Variants in SOD2 observed in about 807,000 individuals in gnomAD.
SOD2 encodes the protein superoxide dismutase 2.
Under a neutral mutation model 27.0 loss-of-function variants are expected in SOD2, and 11 were observed. That is an observed-to-expected ratio of 0.41 (90% CI 0.26 to 0.67). The LOEUF is 0.67. Ranked by LOEUF, SOD2 falls within the 30% of genes least tolerant of loss-of-function variation. The pLI, the probability that SOD2 is intolerant of heterozygous loss-of-function variation, is 0.34. For missense variants in SOD2, 250 were observed against 274.5 expected (o/e 0.91, Z 0.63); for synonymous variants, 105 against 103.0 (o/e 1.02, Z -0.12).
chr6:159,692,921 TG>T, intron 1 of SOD2, 58 bp from the exon 2 acceptor site: 1 of 1,450,584 alleles, frequency 6.9e-7, no homozygotes. Context: ...CTACGCAGGC[TG>T]GGCTGCCGAG....
At chr6:159,743,857 A>C in intron 1 of SOD2, 9 of 1,466,548 alleles carry the variant, frequency 6.1e-6, no homozygotes, top group Non-Finnish European at 8.2e-6. Flanking sequence ...ACATTATTAC[A>C]TGTTAATTTT....
chr6:159,690,429 G>GT (rs914988197), intron 2 of SOD2, among the ~76,000 whole-genome samples: 3 of 151,598 alleles, frequency 2.0e-5, no homozygotes, highest in African/African-American at 2.4e-5. Flanking sequence ...GACCCCGTCT[G>GT]TTTTTTTTAG....
Position 159,727,110 on chromosome 6 carries a change from C to T in SOD2, c.-116+19G>A, listed in dbSNP as rs555376177. On this transcript the variant is annotated intron_variant, in intron 1 of 2. Coordinates refer to the SOD2 transcript ENST00000401980. ...TCCGACCTCGCTGGCCCGCCCCTCC[C>T]CTCGGCCGCTTCCCTTACTGAGCTT... The T allele has an allele frequency of 2.5e-4, 297 of 1,194,096 alleles. 1 individual carries two copies. In the African/African-American group the frequency reaches 4.6e-3, roughly 19 times the overall value. 74.0% of individuals were successfully genotyped at this position (1,194,096 alleles called of 1,614,324 possible). A position where few individuals can be genotyped will look rare whatever the true frequency, so the allele number is the denominator to read the frequency against.
chr6:159,713,240 T>C, intron 1 of SOD2: 2 of 755,728 alleles, frequency 2.6e-6, no homozygotes, highest in Non-Finnish European at 4.5e-6. Flanking sequence ...CCTAAAGCCA[T>C]ATCCATCATT....
intron 1 of SOD2, chr6:159,725,907 G>A (rs1263793705): frequency 6.6e-6 from 1 of 152,118 alleles, no homozygotes. Context: ...AGCAACACAC[G>A]ATTATTTCCT....
upstream of SOD2, among the ~76,000 whole-genome samples, chr6:159,729,427 A>G (rs546767563): frequency 6.6e-6 from 1 of 152,344 alleles, no homozygotes; most frequent in African/African-American, 2.4e-5. Context: ...TTCATTGTGT[A>G]TTGTGTATAA....
chr6:159,756,507 A>G (rs1780013741), intron 1 of SOD2, among the ~76,000 whole-genome samples: 1 of 151,870 alleles, frequency 6.6e-6, no homozygotes, highest in South Asian at 2.1e-4. Flanking sequence ...TTAGGGCTAC[A>G]CTTAAAATTT....
At chr6:159,733,529 G>A (rs1234037192) in intron 1 of SOD2, among the ~76,000 whole-genome samples, 4 of 152,094 alleles carry the variant, frequency 2.6e-5, no homozygotes, top group African/African-American at 9.7e-5. Context: ...GGCTGAGGTG[G>A]GAGGATCACT....
upstream of SOD2, among the ~76,000 whole-genome samples, chr6:159,728,420 C>A (rs905784320): frequency 3.0e-5 from 4 of 134,780 alleles, no homozygotes; most frequent in Non-Finnish European, 6.2e-5. Context: ...GTAAAAAAAA[C>A]AAAACAAAAC....
chr6:159,748,965 T>C, upstream of SOD2: 1 of 1,069,376 alleles, frequency 9.4e-7, no homozygotes, highest in Non-Finnish European at 1.1e-6. This position sits in a 1 kb window ranked among gnomAD's most constrained non-coding sequence, Gnocchi z 5.6. Context: ...GTTTATTTGC[T>C]GAGAACCAAC....
intron 1 of SOD2, among the ~76,000 whole-genome samples, chr6:159,700,654 A>C (rs1012720794): frequency 1.8e-4 from 5 of 28,344 alleles, no homozygotes; most frequent in African/African-American, 1.1e-3. Flanking sequence ...CTCTGTCTCA[A>C]AAAAAAAAAA....
At chr6:159,691,517 A>G (rs948151153) in intron 2 of SOD2, 3 of 152,248 alleles carry the variant, frequency 2.0e-5, no homozygotes, top group Admixed American at 6.5e-5. Context: ...AAAAGTAAAC[A>G]TTTTTTACTA....
Position 159,671,170 on chromosome 6 carries a change from T to C in SOD2, c.*11323A>G, listed in dbSNP as rs371580064. ...TCTGTAGACTCCACCTCTGGGGGCA[T>C]GGCATAGCCGAACAAAAGGCAGCAG... On this transcript the variant is annotated 3_prime_UTR_variant, in exon 5 of 5. Coordinates refer to ENST00000538183, the MANE Select transcript of SOD2 (RefSeq NM_000636.4). The C allele has an allele frequency of 1.8e-4, 28 of 152,446 alleles. No individual in the cohort carries two copies. The highest frequency in any genetic ancestry group is 3.4e-3 in the Middle Eastern group (1 of 296). The allele number at this position is 152,446 out of a possible 1,614,324, so 9.4% of individuals were successfully genotyped here.
intron 1 of SOD2, among the ~76,000 whole-genome samples, chr6:159,723,489 G>A (rs1036142363): frequency 2.6e-5 from 4 of 152,076 alleles, no homozygotes; most frequent in South Asian, 2.1e-4. Flanking sequence ...TACCTTTCCC[G>A]TCCCAGAGCT....
chr6:159,696,030 G>A (rs1213331894), upstream of SOD2, among the ~76,000 whole-genome samples: 1 of 152,216 alleles, frequency 6.6e-6, no homozygotes, highest in Non-Finnish European at 1.5e-5. Context: ...CAACCAATGT[G>A]GGTTGAGATG....
intron 1 of SOD2, chr6:159,736,319 T>G: frequency 3.8e-6 from 6 of 1,589,008 alleles, no homozygotes; most frequent in Non-Finnish European, 5.2e-6. Context: ...TTTTGGGTTT[T>G]TTTGTTTTGT....
chr6:159,734,156 G>C (rs764931506), intron 1 of SOD2, among the ~76,000 whole-genome samples: 1 of 152,136 alleles, frequency 6.6e-6, no homozygotes, highest in Non-Finnish European at 1.5e-5. Flanking sequence ...GAGAAATCAA[G>C]TAGTCTTGGT....
At chr6:159,720,740 TTC>T (rs1309350163) in intron 1 of SOD2, among the ~76,000 whole-genome samples, 1 of 152,172 alleles carries the variant, frequency 6.6e-6, no homozygotes, top group East Asian at 1.9e-4. Context: ...TTCTCTTGTA[TTC>T]TCTGTAAACT....
chr6:159,713,959 C>T (rs2758357), intron 1 of SOD2: 310,179 of 790,188 alleles, frequency 0.39, 67,318 homozygotes, highest in Admixed American at 0.55. Context: ...TCACCACGAA[C>T]CCCTCCCTGC....
Sources: allele counts gnomAD v4.1 joint callset (sites outside exome capture counted in the v4.1 genomes callset), GRCh38; gene constraint gnomAD v4.1.1; non-coding constraint Gnocchi (gnomAD v3.1); transcripts MANE v1.5; gene names NCBI Gene and HGNC (gene_info 2026-07-23, HGNC 2026-07-21).